KLHL3: variants seen among roughly 807,000 people sequenced by gnomAD.
KLHL3 encodes the protein kelch-like protein 3.
Under a neutral mutation model 70.5 loss-of-function variants are expected in KLHL3, and 19 were observed. The ratio of observed to expected loss-of-function variants is 0.27; its 90% CI spans 0.19 to 0.40. The LOEUF (loss-of-function observed/expected upper bound fraction) is 0.40, where lower values mean the gene tolerates loss of function less well. Ranked by LOEUF, KLHL3 falls within the 10% of genes least tolerant of loss-of-function variation. The probability of loss-of-function intolerance (pLI) is 1.00; values close to 1 mark genes in which losing one functional copy is unlikely to be tolerated. For synonymous variants in KLHL3, 258 were observed against 290.3 expected (o/e 0.89, Z 1.13); for missense variants, 512 against 771.1 (o/e 0.66, Z 3.98).
chr5:137,669,940 T>A (rs1263630339), intron 6 of KLHL3, among the ~76,000 whole-genome samples: 2 of 152,060 alleles, frequency 1.3e-5, no homozygotes, highest in Non-Finnish European at 2.9e-5. Context: ...TGGTGTCCCA[T>A]TGGGTAGGGT....
At chr5:137,624,104 G>A (rs1179743962) in intron 14 of KLHL3, among the ~76,000 whole-genome samples, 1 of 152,108 alleles carries the variant, frequency 6.6e-6, no homozygotes. Context: ...TTTCCCTCAT[G>A]TCAGACATTA....
chr5:137,673,294 C>T (rs1255545873), intron 6 of KLHL3, among the ~76,000 whole-genome samples: 1 of 152,158 alleles, frequency 6.6e-6, no homozygotes, highest in African/African-American at 2.4e-5. Context: ...GTCCAGCCTG[C>T]CACCACTGGA....
chr5:137,667,803 GA>G (rs1751649345), intron 6 of KLHL3, among the ~76,000 whole-genome samples: 2 of 151,690 alleles, frequency 1.3e-5, no homozygotes, highest in African/African-American at 2.4e-5. Context: ...CAATATCAGG[GA>G]AAAAAAACTA....
intron 6 of KLHL3, among the ~76,000 whole-genome samples, chr5:137,666,258 T>C (rs10063601): frequency 0.046 from 7,075 of 152,256 alleles, 571 homozygotes; most frequent in African/African-American, 0.16. Flanking sequence ...GGTTGGAATC[T>C]TAGTGGGTAA....
Position 137,698,298 on chromosome 5 carries a change from C to T in KLHL3, c.352G>A (p.Glu118Lys). 2 of 1,614,218 alleles carry T rather than the reference C, an allele frequency of 1.2e-6. No individual in the cohort carries two copies. Among genetic ancestry groups the T allele is most frequent in the Non-Finnish European group, 8.5e-7 (1 of 1,180,036 alleles). ...IYTAEIEVTE[E>K]NVQVLLPAAS... is the part of the protein sequence containing the mutation. ...GAGCCTGAGTTTACCTGGACATTCTCTTCAGTCACCTCGATTTCAGCAGTA... is the reference window on the plus strand; with the variant it reads ...GAGCCTGAGTTTACCTGGACATTCTTTTCAGTCACCTCGATTTCAGCAGTA... The change falls in exon 4 of 15, where the codon GAG (glutamate) becomes AAG (lysine). Residue 118 changes from glutamate (E) to lysine (K), a missense_variant. Physicochemically the swap from Glu to Lys is moderately conservative, Grantham distance 56 (BLOSUM62 1). Coordinates refer to ENST00000309755, the MANE Select transcript of KLHL3 (RefSeq NM_017415.3).
At chr5:137,631,069 C>CAAAAAAAAAAAAAAAAAAAA (rs70979549) in intron 12 of KLHL3, among the ~76,000 whole-genome samples, 1 of 105,788 alleles carries the variant, frequency 9.5e-6, no homozygotes, top group Admixed American at 1.0e-4. Flanking sequence ...TCCAAAAATA[C>CAAAAAAAAAAAAAAAAAAAA]AAAAAAAAAA....
intron 3 of KLHL3, among the ~76,000 whole-genome samples, chr5:137,703,814 A>G (rs1420407750): frequency 6.6e-6 from 1 of 151,862 alleles, no homozygotes; most frequent in Non-Finnish European, 1.5e-5. Context: ...CTGCTCAACT[A>G]GAAGCACGAG....
rs151050480 is a variant in KLHL3, at chr5:137,677,575, G to A, written c.606C>T (p.Ser202=). Residue 202 remains serine, a synonymous_variant, in exon 6 of 15, where the codon AGC becomes AGT. Coordinates refer to ENST00000309755, the MANE Select transcript of KLHL3 (RefSeq NM_017415.3). ...CTTCTGAAGAAACGGTCAGCTTGTC[G>A]CTGGATATCAAGCTGCACACCTGGT... ...SLDQVCSLIS[S]DKLTVSSEEK... 104 of 1,606,822 alleles carry A rather than the reference G, an allele frequency of 6.5e-5. No homozygotes were observed. In the East Asian group the frequency reaches 6.5e-4, roughly 10 times the overall value.
intron 2 of KLHL3, among the ~76,000 whole-genome samples, chr5:137,714,622 G>A (rs1389620085): frequency 3.3e-5 from 5 of 152,168 alleles, no homozygotes; most frequent in Admixed American, 2.6e-4. Flanking sequence ...GGCTGATGGG[G>A]AGTGGTGGTA....
chr5:137,709,867 C>T lies in KLHL3; in HGVS notation c.135-11G>A, dbSNP rs979938150. 5 of 1,608,130 alleles carry T rather than the reference C, an allele frequency of 3.1e-6. No individual in the cohort carries two copies. The highest frequency in any genetic ancestry group is 4.3e-6 in the Non-Finnish European group (5 of 1,174,768). ...CACAACAGCTGTTTACTGTAAGACA[C>T]CAGTGAGAGGACAGGATGGGTTGCA... On this transcript the variant is annotated splice_polypyrimidine_tract_variant and intron_variant, in intron 2 of 14. Coordinates refer to ENST00000309755, the MANE Select transcript of KLHL3 (RefSeq NM_017415.3).
intron 5 of KLHL3, among the ~76,000 whole-genome samples, chr5:137,684,276 CT>C (rs1463903917): frequency 2.0e-5 from 3 of 152,168 alleles, no homozygotes; most frequent in African/African-American, 7.2e-5. Context: ...TTCCTGGCAC[CT>C]AGCAAGTATT....
Position 137,720,525 on chromosome 5 carries a change from G to A in KLHL3, c.74C>T (p.Thr25Met), listed in dbSNP as rs150474094. Residue 25 changes from threonine to methionine, a missense_variant, in exon 2 of 15, where the codon ACG becomes ATG. Transcript: ENST00000309755. ...QAGDDEKNQR[T>M]ITVNPAHMGK... ...CATGTGGGCAGGGTTGACAGTGATC[G>A]TCCTCTGGTTCTTCTCATCATCCCC... 140 of 1,614,112 alleles carry A rather than the reference G, an allele frequency of 8.7e-5. No homozygotes were observed. The African/African-American group carries it at 1.5e-3, about 17-fold the overall frequency.
chr5:137,632,385 G>C (rs1750659635), intron 12 of KLHL3, among the ~76,000 whole-genome samples: 1 of 152,146 alleles, frequency 6.6e-6, no homozygotes, highest in South Asian at 2.1e-4. Flanking sequence ...CTTCAAAAAA[G>C]TCGACAAAAA....
chr5:137,686,324 T>C (rs1399852267), intron 5 of KLHL3, among the ~76,000 whole-genome samples: 19 of 152,148 alleles, frequency 1.2e-4, no homozygotes, highest in Non-Finnish European at 7.3e-5. Flanking sequence ...GCAGGGAGGC[T>C]CCACAGCACA....
In KLHL3 at chr5:137,639,014, T is replaced by G. The variant is rs1377879688; in HGVS notation, c.1158A>C (p.Thr386=). The G allele has an allele frequency of 6.2e-7, 1 of 1,614,180 alleles. No homozygotes were observed. Among genetic ancestry groups the G allele is most frequent in the Admixed American group, 1.7e-5 (1 of 60,034 alleles). Residue 386 remains threonine, a synonymous_variant, in exon 10 of 15, where the codon ACA becomes ACC. Coordinates refer to ENST00000309755, the MANE Select transcript of KLHL3 (RefSeq NM_017415.3). This position sits in a 1 kb window ranked among gnomAD's most constrained non-coding sequence, Gnocchi z 5.0. ...SIASMQERRS[T]LGAAVLNDLL... ...AGTCATTGAGCACCGCTGCGCCCAGTGTGCTCCGGCGCTCCTGCATGCTGG... is the reference window on the plus strand; with the variant it reads ...AGTCATTGAGCACCGCTGCGCCCAGGGTGCTCCGGCGCTCCTGCATGCTGG...
At chr5:137,665,233 G>A (rs879860307) in intron 6 of KLHL3, among the ~76,000 whole-genome samples, 6 of 152,118 alleles carry the variant, frequency 3.9e-5, no homozygotes, top group Non-Finnish European at 5.9e-5. Flanking sequence ...ACTAAATGCC[G>A]TGCATAAACC....
intron 1 of KLHL3, among the ~76,000 whole-genome samples, chr5:137,724,672 A>C (rs2149937212): frequency 6.6e-6 from 1 of 152,298 alleles, no homozygotes; most frequent in East Asian, 1.9e-4. Flanking sequence ...TTGACATCTG[A>C]AGGAAGCCAA....
chr5:137,627,373 G>C (rs1273461893), intron 13 of KLHL3, among the ~76,000 whole-genome samples: 1 of 151,400 alleles, frequency 6.6e-6, no homozygotes, highest in African/African-American at 2.4e-5. Context: ...GTTCTAGATA[G>C]ACTAGCTGCC....
rs548149818 is a variant in KLHL3 at position 137,725,013 on chromosome 5, G to A, written c.15-4429C>T. Reference sequence around the variant, plus strand: ...CTAAGGTCACATGCCCAGGCACAGAGTTGCTAGATCTTACCATTTCATCCC... The same window carrying A: ...CTAAGGTCACATGCCCAGGCACAGAATTGCTAGATCTTACCATTTCATCCC... On this transcript the variant is annotated intron_variant, in intron 1 of 14. Transcript: ENST00000309755. 2.8e-4 allele frequency: 274 copies of A among 983,430 alleles called. No individual in the cohort carries two copies. The African/African-American group carries it at 3.4e-3, about 12-fold the overall frequency. The allele number at this position is 983,430 out of a possible 1,614,324, so 60.9% of individuals were successfully genotyped here.
Sources: allele counts gnomAD v4.1 joint callset (sites outside exome capture counted in the v4.1 genomes callset), GRCh38; gene constraint gnomAD v4.1.1; non-coding constraint Gnocchi (gnomAD v3.1); transcripts MANE v1.5; gene names NCBI Gene and HGNC (gene_info 2026-07-23, HGNC 2026-07-21).